The following FRAS1 variants were observed in gnomAD, a reference collection of about 807,000 sequenced individuals.
The protein encoded by FRAS1 is extracellular matrix organizing protein FRAS1.
FRAS1 carries 290 observed loss-of-function variants against 435.2 expected under a neutral mutation model. That is an observed-to-expected ratio of 0.67 (90% confidence interval 0.61 to 0.73). FRAS1 has a LOEUF of 0.73. Ranked by LOEUF, FRAS1 falls within the 30% of genes least tolerant of loss-of-function variation. FRAS1 has a pLI of 0.00. For missense variants in FRAS1, 4,860 were observed against 5,001.5 expected (o/e 0.97, Z 0.85); for synonymous variants, 1,800 against 1,851.0 (o/e 0.97, Z 0.71).
At chr4:78,191,174 T>C (rs1013570093) in intron 2 of FRAS1, among the ~76,000 whole-genome samples, 6 of 152,200 alleles carry the variant, frequency 3.9e-5, no homozygotes, top group African/African-American at 1.4e-4. Flanking sequence ...AGTCTACGTA[T>C]ATTGTTATAG....
chr4:78,112,057 C>A (rs546747760), intron 2 of FRAS1, among the ~76,000 whole-genome samples: 1 of 152,076 alleles, frequency 6.6e-6, no homozygotes, highest in South Asian at 2.1e-4. Flanking sequence ...TTGACAATTT[C>A]TTTGATAATC....
chr4:78,362,459 T>A (rs1424101013), intron 20 of FRAS1, among the ~76,000 whole-genome samples: 3 of 152,210 alleles, frequency 2.0e-5, no homozygotes, highest in Non-Finnish European at 4.4e-5. Context: ...GAGTGCAGGA[T>A]CTGGCTGGCC....
chr4:78,418,963 C>A lies in FRAS1; in HGVS notation c.4440C>A (p.Gly1480=). 6.2e-7 allele frequency: 1 copy of A among 1,600,558 alleles called. No homozygotes were observed. The highest frequency in any genetic ancestry group is 8.5e-7 in the Non-Finnish European group (1 of 1,172,762). The change falls in exon 33 of 74, where the codon GGC becomes GGA. Residue 1480 remains glycine (G), a synonymous_variant. Transcript: ENST00000512123. ...ACTTTGTTTAGGCTAGAGAAGATGG[C>A]CTGACTGTTATTCAGCCTCATTCCC... The part of the protein sequence containing the change: ...ASLHMTARED[G]LTVIQPHSLS...
At chr4:78,254,160 C>T (rs1426887751) in intron 5 of FRAS1, among the ~76,000 whole-genome samples, 2 of 152,022 alleles carry the variant, frequency 1.3e-5, no homozygotes, top group African/African-American at 4.8e-5. Flanking sequence ...CTTTTTATTA[C>T]ACTTTGTGGA....
intron 47 of FRAS1, among the ~76,000 whole-genome samples, chr4:78,457,329 T>C (rs2645148): frequency 0.74 from 112,159 of 152,094 alleles, 41,730 homozygotes; most frequent in African/African-American, 0.79. Context: ...AGGGGGGCAG[T>C]GGCAGGGGGT....
intron 7 of FRAS1, among the ~76,000 whole-genome samples, chr4:78,265,837 A>C (rs1431430831): frequency 6.6e-6 from 1 of 152,236 alleles, no homozygotes; most frequent in Admixed American, 6.5e-5. Flanking sequence ...CATGACTCTC[A>C]GTAGAAAATC....
At chr4:78,432,334 G>A in intron 37 of FRAS1, 23 bp from the exon 38 acceptor site, 7 of 1,571,734 alleles carry the variant, frequency 4.5e-6, no homozygotes, top group Non-Finnish European at 6.1e-6. Context: ...CAACTCGTTT[G>A]CAATTTGTTT....
At chr4:78,332,563 C>T (rs947002507) in intron 18 of FRAS1, among the ~76,000 whole-genome samples, 2 of 152,200 alleles carry the variant, frequency 1.3e-5, no homozygotes, top group East Asian at 3.9e-4. Context: ...TAAGAATTCA[C>T]ATGCATCAGC....
rs1228760401 is a variant in FRAS1, at chr4:78,513,516, A to G, written c.10138A>G (p.Asn3380Asp). Residue 3380 changes from asparagine (N) to aspartate (D), a missense_variant, in exon 65 of 74, where the codon AAT becomes GAT. Coordinates refer to ENST00000512123, the MANE Select transcript of FRAS1 (RefSeq NM_025074.7). ...SIYRHQHVCS[N>D]LVTTYDLRGI... The stretch of plus-strand genomic sequence containing the variant: ...CTACAGACACCAGCACGTCTGCTCC[A>G]ATTTAGTTACCACCTATGACCTGAG... 2 of 1,613,850 alleles carry G rather than the reference A, an allele frequency of 1.2e-6. No homozygotes were observed. Among genetic ancestry groups the G allele is most frequent in the Non-Finnish European group, 1.7e-6 (2 of 1,179,850 alleles).
At chr4:78,141,423 T>C (rs1720177389) in intron 2 of FRAS1, among the ~76,000 whole-genome samples, 1 of 152,176 alleles carries the variant, frequency 6.6e-6, no homozygotes, top group South Asian at 2.1e-4. Flanking sequence ...CTTTTGACAA[T>C]GGCAGACTAT....
At position 78,057,823 on chromosome 4, in the gene FRAS1, C is replaced by A. The variant is rs1739540619; in HGVS notation, c.-187C>A. 5 of 586,554 alleles carry A rather than the reference C, an allele frequency of 8.5e-6. No homozygotes were observed. The highest frequency in any genetic ancestry group is 1.5e-5 in the Non-Finnish European group (5 of 331,432). The allele number at this position is 586,554 out of a possible 1,614,324, so 36.3% of individuals were successfully genotyped here. ...AGCAGCGAGTGAATTGAACCCCAGC[C>A]CGCTCCGGCGCCTCCGGGCTGATGA... On this transcript the variant is annotated 5_prime_UTR_variant, in exon 1 of 74. Transcript: ENST00000512123. This position sits in a 1 kb window ranked among gnomAD's most constrained non-coding sequence, Gnocchi z 4.2.
chr4:78,264,470 A>T (rs530114090), intron 6 of FRAS1, among the ~76,000 whole-genome samples: 2 of 152,312 alleles, frequency 1.3e-5, no homozygotes, highest in African/African-American at 4.8e-5. Context: ...AAATAAATTT[A>T]TACATTTATA....
intron 3 of FRAS1, among the ~76,000 whole-genome samples, chr4:78,242,103 C>G (rs1001108074): frequency 3.3e-5 from 5 of 152,128 alleles, no homozygotes; most frequent in African/African-American, 1.2e-4. Context: ...TTCCACAGAG[C>G]TTTTGGGCTC....
chr4:78,515,902 C>G lies in FRAS1; in HGVS notation c.10278C>G (p.Ile3426Met). 6.2e-7 allele frequency: 1 copy of G among 1,614,000 alleles called. No individual in the cohort carries two copies. The highest frequency in any genetic ancestry group is 1.6e-4 in the Middle Eastern group (1 of 6,062). ...FDPSVREPKT[I>M]QLYKHLNLKS... is the part of the protein sequence containing the mutation. ...CCAGCGTGCGAGAGCCGAAGACCAT[C>G]CAGCTCTACAAACACCTGAACCTGA... The change falls in exon 66 of 74, where the codon ATC becomes ATG. Residue 3426 changes from isoleucine (I) to methionine (M), a missense_variant. By Grantham distance (10) the Ile-to-Met change is conservative. Coordinates refer to ENST00000512123, the MANE Select transcript of FRAS1 (RefSeq NM_025074.7).
chr4:78,249,509 G>A (rs573185224), intron 4 of FRAS1, among the ~76,000 whole-genome samples: 1 of 151,988 alleles, frequency 6.6e-6, no homozygotes, highest in African/African-American at 2.4e-5. Context: ...TTTTAGTGGA[G>A]ATGGGGTTTC....
chr4:78,436,453 C>T (rs1734432299), intron 38 of FRAS1, among the ~76,000 whole-genome samples: 1 of 152,190 alleles, frequency 6.6e-6, no homozygotes, highest in Non-Finnish European at 1.5e-5. Flanking sequence ...CCTAACCATT[C>T]TAATCCTGGA....
chr4:78,148,596 G>A (rs78394910), intron 2 of FRAS1, among the ~76,000 whole-genome samples: 1,680 of 152,278 alleles, frequency 0.011, 14 homozygotes, highest in South Asian at 0.021. Flanking sequence ...ATATGCTACA[G>A]TGCTATTAAT....
chr4:78,321,301 C>T (rs1365221042), intron 18 of FRAS1, among the ~76,000 whole-genome samples: 4 of 152,110 alleles, frequency 2.6e-5, no homozygotes, highest in Admixed American at 2.0e-4. Context: ...TGCTCAAAGT[C>T]ATGTAGCCAG....
chr4:78,366,698 C>T lies in FRAS1; in HGVS notation c.2722+2644C>T, dbSNP rs1240244749. Among the ~76,000 whole-genome samples, 6 of 152,158 alleles carry T rather than the reference C, an allele frequency of 3.9e-5. No individual in the cohort carries two copies. In the East Asian group the frequency reaches 1.2e-3, roughly 29 times the overall value. ...CCAGCTTCCCTCAGTGGTTTCTGGT[C>T]GACTCTGCCACTTTTTCACTGTCCT... is the stretch of plus-strand genomic sequence containing the variant. On this transcript the variant is annotated intron_variant, in intron 22 of 73. Coordinates refer to ENST00000512123, the MANE Select transcript of FRAS1 (RefSeq NM_025074.7).
Sources: gnomAD v4.1 joint callset for allele counts (sites outside exome capture counted in the v4.1 genomes callset) on GRCh38, gnomAD v4.1.1 for gene constraint, Gnocchi (gnomAD v3.1) non-coding constraint, MANE v1.5 for transcripts, NCBI Gene and HGNC (gene_info 2026-07-23, HGNC 2026-07-21) for gene names.